The following TSPAN9 variants were observed in gnomAD, a reference collection of about 807,000 sequenced individuals.
TSPAN9 encodes tetraspanin 9, also known as tetraspanin-9.
Under a neutral mutation model 31.0 loss-of-function variants are expected in TSPAN9, and 16 were observed. The observed-to-expected ratio is 0.52, with a 90% CI of 0.35 to 0.78. TSPAN9 has a LOEUF of 0.78. TSPAN9 is among the 30% of genes least tolerant of loss of function. The probability of loss-of-function intolerance (pLI) is 0.01; values close to 1 mark genes in which losing one functional copy is unlikely to be tolerated. For synonymous variants in TSPAN9, 145 were observed against 121.6 expected, an observed-to-expected ratio of 1.19 and a Z score of -1.27; for missense variants, 272 against 312.5, an observed-to-expected ratio of 0.87 and a Z score of 0.98.
At chr12:3,144,081 A>ATATT (rs137979687) in intron 2 of TSPAN9, among the ~76,000 whole-genome samples, 35 of 151,938 alleles carry the variant, frequency 2.3e-4, no homozygotes, top group Non-Finnish European at 4.1e-4. Context: ...GTGTGCTGAT[A>ATATT]TATTTATTTA....
intron 2 of TSPAN9, among the ~76,000 whole-genome samples, chr12:3,091,932 G>C (rs1359170441): frequency 2.0e-5 from 3 of 152,178 alleles, no homozygotes; most frequent in African/African-American, 4.8e-5. Flanking sequence ...GGGTGACTTG[G>C]GGGTGCCAGC....
intron 2 of TSPAN9, among the ~76,000 whole-genome samples, chr12:3,089,385 C>G (rs1047965550): frequency 2.0e-5 from 3 of 149,980 alleles, no homozygotes; most frequent in Non-Finnish European, 4.4e-5. Context: ...CAACCTCCCA[C>G]TCCCTAGTTC....
Position 3,268,760 on chromosome 12 carries a change from T to C in TSPAN9, c.64-9661T>C, listed in dbSNP as rs1565639600. Among the ~76,000 whole-genome samples, 2 of 98,228 alleles carry C rather than the reference T, an allele frequency of 2.0e-5. 1 individual carries two copies. Among genetic ancestry groups the C allele is most frequent in the African/African-American group, 7.1e-5 (2 of 28,350 alleles). The allele number at this position is 98,228 out of a possible 152,430, so 64.4% of individuals were successfully genotyped here. Reference sequence around the variant, plus strand: ...TTCCTGCAGCCTGCCCTCCGTGCGTTTCTGCAGCCTGCCCTCTCTGTGTTC... The same window carrying C: ...TTCCTGCAGCCTGCCCTCCGTGCGTCTCTGCAGCCTGCCCTCTCTGTGTTC... On this transcript the variant is annotated intron_variant, in intron 3 of 8. Transcript: ENST00000011898.
intron 2 of TSPAN9, among the ~76,000 whole-genome samples, chr12:3,181,785 G>T (rs1001443244): frequency 6.6e-6 from 1 of 152,126 alleles, no homozygotes; most frequent in African/African-American, 2.4e-5. Flanking sequence ...CTTACTTTCT[G>T]TGATTCACTT....
At chr12:3,140,987 G>A (rs1166302829) in intron 2 of TSPAN9, among the ~76,000 whole-genome samples, 1 of 151,482 alleles carries the variant, frequency 6.6e-6, no homozygotes, top group Non-Finnish European at 1.5e-5. Flanking sequence ...GGGAAGGGCT[G>A]TGGGAAGTGT....
chr12:3,215,623 A>G (rs908767360), intron 3 of TSPAN9, among the ~76,000 whole-genome samples: 21 of 152,186 alleles, frequency 1.4e-4, no homozygotes, highest in African/African-American at 4.8e-4. Flanking sequence ...GGCAGCCCCA[A>G]GTCATGTTGC....
intron 2 of TSPAN9, among the ~76,000 whole-genome samples, chr12:3,144,315 G>A (rs2098336178): frequency 6.6e-6 from 1 of 152,112 alleles, no homozygotes. Context: ...TGGCCAGGCT[G>A]GTCTTGAACT....
At position 3,081,824 on chromosome 12, in the gene TSPAN9, GTGTGTGTGTGTC is replaced by G. The variant is rs1406369483; in HGVS notation, c.-84-1819_-84-1808del. ...TCTAAAAAATTGTGTGTGTGTGTGT[GTGTGTGTGTGTC>G]TGTGTGTGTATATATATGCCAGGTG... On this transcript the variant is annotated intron_variant, in intron 1 of 8. Transcript: ENST00000011898. 1.2e-4 allele frequency among the ~76,000 whole-genome samples: 5 copies of G among 41,244 alleles called. No homozygotes were observed. The East Asian group carries it at 3.2e-3, about 26-fold the overall frequency. The allele number at this position is 41,244 out of a possible 152,430, so 27.1% of individuals were successfully genotyped here. A position where few individuals can be genotyped will look rare whatever the true frequency, so the allele number is the denominator to read the frequency against.
chr12:3,245,506 T>G (rs934469690), intron 3 of TSPAN9, among the ~76,000 whole-genome samples: 4 of 152,146 alleles, frequency 2.6e-5, no homozygotes, highest in Non-Finnish European at 4.4e-5. Context: ...GGGGCAAAGT[T>G]TCCCCTTGAT....
At chr12:3,259,161 C>T (rs1424022416) in intron 3 of TSPAN9, among the ~76,000 whole-genome samples, 7 of 152,236 alleles carry the variant, frequency 4.6e-5, no homozygotes, top group Non-Finnish European at 8.8e-5. Flanking sequence ...AGTTAAGTCA[C>T]TTTCCTGAGT....
intron 3 of TSPAN9, among the ~76,000 whole-genome samples, chr12:3,265,899 T>C (rs1862527888): frequency 6.6e-6 from 1 of 152,236 alleles, no homozygotes; most frequent in Non-Finnish European, 1.5e-5. Context: ...TCAACCTCCT[T>C]GATCCTTTGT....
chr12:3,280,398 A>C lies in TSPAN9; in HGVS notation c.347A>C (p.Lys116Thr). The change falls in exon 6 of 9, where the codon AAG becomes ACG. Residue 116 changes from lysine to threonine, a missense_variant. Physicochemically the swap from Lys to Thr is moderately conservative, Grantham distance 78. Coordinates refer to ENST00000011898, the MANE Select transcript of TSPAN9 (RefSeq NM_006675.5). The surrounding 1 kb of genome is among the most constrained non-coding windows in gnomAD (Gnocchi z 4.5). ...GCCTGGCAGGTGAACGAGAACGCCA[A>C]GAAGGACCTGAAGGAAGGCCTGCTG... Reference protein sequence around the residue: ...VYMDKVNENAKKDLKEGLLLY... With the variant: ...VYMDKVNENATKDLKEGLLLY... The C allele has an allele frequency of 6.2e-7, 1 of 1,612,702 alleles. No individual in the cohort carries two copies.
chr12:3,270,113 G>A (rs1232812553), intron 3 of TSPAN9, among the ~76,000 whole-genome samples: 4 of 152,078 alleles, frequency 2.6e-5, no homozygotes, highest in Non-Finnish European at 4.4e-5. Context: ...GCCCTACACC[G>A]GGCCCCCTAG....
Position 3,118,051 on chromosome 12 carries a change from A to G in TSPAN9, c.-18+34332A>G, listed in dbSNP as rs557477430. On this transcript the variant is annotated intron_variant, in intron 2 of 8. Coordinates refer to ENST00000011898, the MANE Select transcript of TSPAN9 (RefSeq NM_006675.5). Reference sequence around the variant, plus strand: ...GCCTGCCACTCTCCAGTTATGTGACATGGGAAGCTATTTAAGACTCTTTTT... The same window carrying G: ...GCCTGCCACTCTCCAGTTATGTGACGTGGGAAGCTATTTAAGACTCTTTTT... Among the ~76,000 whole-genome samples, 6 of 145,940 alleles carry G rather than the reference A, an allele frequency of 4.1e-5. No individual in the cohort carries two copies. In the East Asian group the frequency reaches 8.4e-4, roughly 20 times the overall value.
chr12:3,209,455 A>G (rs1252582328), intron 3 of TSPAN9, among the ~76,000 whole-genome samples: 1 of 152,092 alleles, frequency 6.6e-6, no homozygotes. Context: ...TCTGGTGTAC[A>G]TGTGGAGGCG....
rs749819104 is a variant in TSPAN9, at chr12:3,278,501, C to T, written c.144C>T (p.Phe48=). The stretch of plus-strand genomic sequence containing the variant: ...ACTTTGCCACCTTCTCCCCCAGCTT[C>T]CCTTCGTTGTCTGCAGCCAACCTGG... The part of the protein sequence containing the change: ...QGNFATFSPS[F]PSLSAANLVI... The change falls in exon 4 of 9, where the codon TTC becomes TTT. Residue 48 remains phenylalanine (F), a synonymous_variant. Coordinates refer to ENST00000011898, the MANE Select transcript of TSPAN9 (RefSeq NM_006675.5). The T allele has an allele frequency of 1.2e-6, 2 of 1,614,242 alleles. No individual in the cohort carries two copies. Among genetic ancestry groups the T allele is most frequent in the Non-Finnish European group, 1.7e-6 (2 of 1,180,034 alleles).
chr12:3,161,613 C>G (rs567148245), intron 2 of TSPAN9, among the ~76,000 whole-genome samples: 9 of 152,318 alleles, frequency 5.9e-5, no homozygotes, highest in Admixed American at 5.2e-4. Context: ...AATGCCCTTT[C>G]CTGCTGGAAG....
Position 3,192,727 on chromosome 12 carries a change from C to T in TSPAN9, c.-17-8450C>T, listed in dbSNP as rs966870524. ...CAACAGCATGCAGATGGCCCTGGAA[C>T]GGAGGAGATGGTCATATAGAGGAAA... On this transcript the variant is annotated intron_variant, in intron 2 of 8. Coordinates refer to ENST00000011898, the MANE Select transcript of TSPAN9 (RefSeq NM_006675.5). This position sits in a 1 kb window ranked among gnomAD's most constrained non-coding sequence, Gnocchi z 4.6. 1.8e-4 allele frequency among the ~76,000 whole-genome samples: 28 copies of T among 151,906 alleles called. No individual in the cohort carries two copies. Among genetic ancestry groups the T allele is most frequent in the Admixed American group, 1.2e-3 (19 of 15,250 alleles).
chr12:3,115,146 C>T (rs1310168791), intron 2 of TSPAN9, among the ~76,000 whole-genome samples: 1 of 151,818 alleles, frequency 6.6e-6, no homozygotes, highest in African/African-American at 2.4e-5. Flanking sequence ...TTTACCTACC[C>T]TGGACATTCA....
Sources: allele counts gnomAD v4.1 joint callset (sites outside exome capture counted in the v4.1 genomes callset), GRCh38; gene constraint gnomAD v4.1.1; non-coding constraint Gnocchi (gnomAD v3.1); transcripts MANE v1.5; gene names NCBI Gene and HGNC (gene_info 2026-07-23, HGNC 2026-07-21).